PTPRG: variants seen among roughly 807,000 people sequenced by gnomAD.
PTPRG encodes the protein protein tyrosine phosphatase receptor type G, also known as receptor-type tyrosine-protein phosphatase gamma.
In PTPRG, 102 loss-of-function variants were observed where a neutral mutation model predicts 165.3. That is an observed-to-expected ratio of 0.62 (90% CI 0.53 to 0.73). The LOEUF is 0.73. Among genes scored for constraint, PTPRG ranks in the 30% least tolerant of loss-of-function variants. PTPRG has a pLI of 0.00. For missense variants in PTPRG, 1,866 were observed against 1,861.4 expected (o/e 1.00, Z -0.05); for synonymous variants, 675 against 669.5 (o/e 1.01, Z -0.13).
intron 5 of PTPRG, among the ~76,000 whole-genome samples, chr3:62,079,880 G>A (rs1701506350): frequency 6.6e-6 from 1 of 152,146 alleles, no homozygotes. Flanking sequence ...GGACTTCCTA[G>A]TATGGCTCCT....
intron 5 of PTPRG, among the ~76,000 whole-genome samples, chr3:62,096,494 CT>C: frequency 6.6e-6 from 1 of 152,258 alleles, no homozygotes; most frequent in East Asian, 1.9e-4. Context: ...TCTTCTGGTT[CT>C]GTTTTAATTT....
At chr3:61,911,897 G>C (rs2038811506) in intron 2 of PTPRG, among the ~76,000 whole-genome samples, 1 of 152,190 alleles carries the variant, frequency 6.6e-6, no homozygotes, top group Non-Finnish European at 1.5e-5. Flanking sequence ...TTTAATAGCT[G>C]TGAAGTGTAA....
At chr3:61,650,381 T>C (rs921771375) in intron 1 of PTPRG, among the ~76,000 whole-genome samples, 2 of 152,182 alleles carry the variant, frequency 1.3e-5, no homozygotes, top group African/African-American at 2.4e-5. Flanking sequence ...ATGAGACTCA[T>C]GTTCGAAGAA....
intron 8 of PTPRG, among the ~76,000 whole-genome samples, chr3:62,172,743 T>G (rs1203865784): frequency 6.6e-6 from 1 of 151,556 alleles, no homozygotes; most frequent in Non-Finnish European, 1.5e-5. Context: ...GAAAAAAAGT[T>G]TTAAAAAGAG....
rs1460255614 is a variant in PTPRG, at chr3:62,293,439, A to AT, written c.*138dup. 1 of 792,948 alleles carries AT rather than the reference A, an allele frequency of 1.3e-6. No individual in the cohort carries two copies. Among genetic ancestry groups the AT allele is most frequent in the Non-Finnish European group, 1.9e-6 (1 of 538,526 alleles). 49.1% of individuals were successfully genotyped at this position (792,948 alleles called of 1,614,324 possible). ...TACACTGATAAAAGTTTTGATATTT[A>AT]TTTTTTGCCATTTTATGTCTTAATG... is the stretch of plus-strand genomic sequence containing the variant. On this transcript the variant is annotated 3_prime_UTR_variant, in exon 30 of 30. Transcript: ENST00000474889.
chr3:61,930,347 G>A (rs1373509138), intron 2 of PTPRG, among the ~76,000 whole-genome samples: 4 of 152,154 alleles, frequency 2.6e-5, no homozygotes, highest in Admixed American at 2.0e-4. Context: ...GGACACCAAC[G>A]AGTTTATTCC....
intron 1 of PTPRG, among the ~76,000 whole-genome samples, chr3:61,713,154 C>T (rs964739872): frequency 2.0e-5 from 3 of 150,390 alleles, no homozygotes; most frequent in Non-Finnish European, 3.0e-5. Flanking sequence ...TTATCTGAAA[C>T]ATCAAATATG....
intron 2 of PTPRG, among the ~76,000 whole-genome samples, chr3:61,857,842 C>T (rs556037186): frequency 1.3e-5 from 2 of 152,152 alleles, no homozygotes; most frequent in South Asian, 4.2e-4. Context: ...TGAAATTGGG[C>T]TATCACAGTC....
chr3:62,020,963 C>G (rs374141857), intron 4 of PTPRG, among the ~76,000 whole-genome samples: 1 of 152,004 alleles, frequency 6.6e-6, no homozygotes, highest in Non-Finnish European at 1.5e-5. Context: ...GTGTGAGCCA[C>G]AGCACCTGGC....
intron 2 of PTPRG, among the ~76,000 whole-genome samples, chr3:61,840,451 C>G (rs544178143): frequency 3.3e-5 from 5 of 152,108 alleles, no homozygotes; most frequent in Admixed American, 6.5e-5. Context: ...GGGCAAAAAA[C>G]TTAAGCTTTC....
At chr3:62,174,287 A>T (rs903863891) in intron 8 of PTPRG, among the ~76,000 whole-genome samples, 5 of 152,242 alleles carry the variant, frequency 3.3e-5, no homozygotes, top group Admixed American at 2.6e-4. Flanking sequence ...CCGCAGTGGA[A>T]TCAAAACCAC....
At chr3:62,151,227 A>G (rs1704324397) in intron 6 of PTPRG, among the ~76,000 whole-genome samples, 1 of 152,226 alleles carries the variant, frequency 6.6e-6, no homozygotes, top group Admixed American at 6.5e-5. Context: ...GCTGGGCTTA[A>G]TGGTTGACCA....
intron 5 of PTPRG, among the ~76,000 whole-genome samples, chr3:62,096,105 A>G (rs577986223): frequency 3.9e-5 from 6 of 152,250 alleles, no homozygotes; most frequent in African/African-American, 9.6e-5. Flanking sequence ...GGGAGGACAC[A>G]TGGGCACCCC....
In PTPRG at chr3:62,262,836, A is replaced by T; in HGVS notation, c.2598A>T (p.Ala866=). Residue 866 remains alanine, a synonymous_variant, in exon 17 of 30, where the codon GCA becomes GCT. Coordinates refer to ENST00000474889, the MANE Select transcript of PTPRG (RefSeq NM_002841.4). ...QRCTADMNIT[A]EHSNHPENKH... is the part of the protein sequence containing the mutation. ...GTACTGCTGATATGAACATCACTGC[A>T]GAGCATTCCAATCATCCAGAAAACA... 1 of 1,613,986 alleles carries T rather than the reference A, an allele frequency of 6.2e-7. No homozygotes were observed. Among genetic ancestry groups the T allele is most frequent in the South Asian group, 1.1e-5 (1 of 91,078 alleles).
At chr3:61,647,970 C>G (rs1427927946) in intron 1 of PTPRG, among the ~76,000 whole-genome samples, 2 of 152,076 alleles carry the variant, frequency 1.3e-5, no homozygotes, top group African/African-American at 2.4e-5. Context: ...TACTGACACT[C>G]CCTTGTACCC....
At chr3:62,128,801 G>A (rs749825317) in intron 5 of PTPRG, among the ~76,000 whole-genome samples, 2 of 149,998 alleles carry the variant, frequency 1.3e-5, no homozygotes, top group Admixed American at 6.7e-5. Flanking sequence ...TTTAAAAGCT[G>A]CCAAAATTGC....
intron 5 of PTPRG, among the ~76,000 whole-genome samples, chr3:62,099,967 T>G (rs375451669): frequency 1.7e-4 from 26 of 151,930 alleles, no homozygotes; most frequent in African/African-American, 6.3e-4. Context: ...CCCGGCTAAT[T>G]TTTGTATTTT....
At chr3:61,853,180 A>G (rs1425024107) in intron 2 of PTPRG, among the ~76,000 whole-genome samples, 2 of 152,214 alleles carry the variant, frequency 1.3e-5, no homozygotes, top group Non-Finnish European at 2.9e-5. Flanking sequence ...ACATTAAAGC[A>G]GGGAAGGGGG....
At chr3:61,925,768 T>G in intron 2 of PTPRG, 7 of 384,298 alleles carry the variant, frequency 1.8e-5, no homozygotes, top group Admixed American at 6.6e-5. Flanking sequence ...TCATCATTGG[T>G]CAAAGTTGCA....
Sources: allele counts gnomAD v4.1 joint callset (sites outside exome capture counted in the v4.1 genomes callset), GRCh38; gene constraint gnomAD v4.1.1; transcripts MANE v1.5; gene names NCBI Gene and HGNC (gene_info 2026-07-23, HGNC 2026-07-21).